ROBO2: variants seen among roughly 807,000 people sequenced by gnomAD.
ROBO2 encodes roundabout guidance receptor 2.
Under a neutral mutation model 160.8 loss-of-function variants are expected in ROBO2, and 53 were observed. That is an observed-to-expected ratio of 0.33 (90% CI 0.26 to 0.41). The LOEUF is 0.41. ROBO2 is among the 10% of genes least tolerant of loss of function. ROBO2 has a pLI of 1.00. For synonymous variants in ROBO2, 664 were observed against 611.7 expected, an observed-to-expected ratio of 1.09 and a Z score of -1.26; for missense variants, 1,577 against 1,722.4, an observed-to-expected ratio of 0.92 and a Z score of 1.49.
At chr3:77,383,907 G>A (rs754265482) in intron 2 of ROBO2, among the ~76,000 whole-genome samples, 2 of 152,040 alleles carry the variant, frequency 1.3e-5, no homozygotes, top group Non-Finnish European at 2.9e-5. Flanking sequence ...TTCAAAAATA[G>A]GACATTAACT....
chr3:76,598,677 T>A (rs2086897401), intron 2 of ROBO2, among the ~76,000 whole-genome samples: 1 of 152,126 alleles, frequency 6.6e-6, no homozygotes, highest in East Asian at 1.9e-4. Flanking sequence ...TTTTTTAAAG[T>A]AAATGGTGAA....
At chr3:76,300,189 G>A (rs958837860) in intron 2 of ROBO2, among the ~76,000 whole-genome samples, 1 of 151,968 alleles carries the variant, frequency 6.6e-6, no homozygotes, top group Non-Finnish European at 1.5e-5. Flanking sequence ...GTTGATTCAG[G>A]TTCTTGGCAA....
At chr3:76,383,460 A>G (rs2076731908) in intron 2 of ROBO2, among the ~76,000 whole-genome samples, 1 of 152,220 alleles carries the variant, frequency 6.6e-6, no homozygotes, top group Admixed American at 6.5e-5. Context: ...AAGAACCCTG[A>G]GTTTGCAGTC....
intron 6 of ROBO2, among the ~76,000 whole-genome samples, chr3:77,525,731 A>T (rs1037444785): frequency 1.3e-5 from 2 of 151,142 alleles, no homozygotes; most frequent in Admixed American, 6.6e-5. Context: ...TCTATAATAA[A>T]ATAAAATAGA....
chr3:76,582,974 A>G (rs2085796085), intron 2 of ROBO2, among the ~76,000 whole-genome samples: 1 of 152,058 alleles, frequency 6.6e-6, no homozygotes, highest in Non-Finnish European at 1.5e-5. Flanking sequence ...AAGAGTCACA[A>G]CAAACTACTA....
intron 2 of ROBO2, among the ~76,000 whole-genome samples, chr3:76,682,228 C>G (rs187008972): frequency 1.4e-3 from 217 of 152,170 alleles, no homozygotes; most frequent in African/African-American, 4.9e-3. Context: ...ACCCTAATAT[C>G]AACTATGGAC....
chr3:77,251,872 C>T (rs534128226), intron 2 of ROBO2, among the ~76,000 whole-genome samples: 2 of 152,206 alleles, frequency 1.3e-5, no homozygotes, highest in African/African-American at 4.8e-5. Context: ...ACTGCGAGTC[C>T]GTTAAACCTT....
rs149475117 is a variant in ROBO2 at position 76,954,924 on chromosome 3, C to A, written c.110-143090C>A. Among the ~76,000 whole-genome samples the A allele has an allele frequency of 5.3e-5, 8 of 152,274 alleles. No individual in the cohort carries two copies. In the East Asian group the frequency reaches 1.5e-3, roughly 29 times the overall value. The stretch of plus-strand genomic sequence containing the variant: ...GTGTACAATACAGCAGCATGAATTA[C>A]ATTCACAGTGTTGCTCAAGCATCAG... On this transcript the variant is annotated intron_variant, in intron 2 of 26. Transcript: ENST00000487694.
intron 2 of ROBO2, among the ~76,000 whole-genome samples, chr3:76,039,422 T>C (rs935440221): frequency 3.3e-5 from 5 of 152,054 alleles, no homozygotes; most frequent in African/African-American, 1.2e-4. Flanking sequence ...TTCTACTTGT[T>C]TTCTTGTTTA....
At chr3:76,826,399 C>A (rs2109237344) in intron 2 of ROBO2, among the ~76,000 whole-genome samples, 1 of 152,200 alleles carries the variant, frequency 6.6e-6, no homozygotes, top group Admixed American at 6.6e-5. Flanking sequence ...GTCATATCAT[C>A]TCAGAATTAC....
chr3:76,482,584 A>G (rs2079271137), intron 2 of ROBO2, among the ~76,000 whole-genome samples: 3 of 152,124 alleles, frequency 2.0e-5, no homozygotes, highest in African/African-American at 7.2e-5. Flanking sequence ...TTTAATGCCA[A>G]GTATCTTATC....
chr3:76,840,649 A>G (rs1402816248), intron 2 of ROBO2, among the ~76,000 whole-genome samples: 1 of 22,616 alleles, frequency 4.4e-5, no homozygotes, highest in Non-Finnish European at 9.8e-5. Flanking sequence ...TATATTTTAT[A>G]TATATATATA....
chr3:76,451,862 T>A (rs1043311775), intron 2 of ROBO2, among the ~76,000 whole-genome samples: 3 of 152,180 alleles, frequency 2.0e-5, no homozygotes, highest in African/African-American at 7.2e-5. Context: ...TCCTCTTGGC[T>A]GCAAGAAGAT....
chr3:76,897,174 G>A (rs1173367057), intron 2 of ROBO2, among the ~76,000 whole-genome samples: 1 of 152,058 alleles, frequency 6.6e-6, no homozygotes, highest in African/African-American at 2.4e-5. Context: ...ATTTATGATG[G>A]ATCTATCAGT....
intron 3 of ROBO2, among the ~76,000 whole-genome samples, chr3:77,480,445 A>T (rs1013262645): frequency 6.6e-6 from 1 of 152,182 alleles, no homozygotes; most frequent in Non-Finnish European, 1.5e-5. Flanking sequence ...CATTTAAGAA[A>T]TCTTGAAGGG....
intron 2 of ROBO2, among the ~76,000 whole-genome samples, chr3:77,010,869 C>CCT (rs1489991774): frequency 7.5e-6 from 1 of 133,330 alleles, no homozygotes; most frequent in African/African-American, 2.8e-5. Context: ...TCCCTCCCTA[C>CCT]CTTCCTTCCT....
In ROBO2 at chr3:76,445,595, A is replaced by T. The variant is rs149945223; in HGVS notation, c.109+507993A>T. ...GGCAGAGACACAACGAAAAAAGAGA[A>T]TTTTAGACCAATATCCCTGATGAAC... is the stretch of plus-strand genomic sequence containing the variant. On this transcript the variant is annotated intron_variant, in intron 2 of 26. Transcript: ENST00000487694. 3.4e-3 allele frequency among the ~76,000 whole-genome samples: 524 copies of T among 152,216 alleles called. 27 individuals carry two copies. In the East Asian group the frequency reaches 0.092, roughly 27 times the overall value.
intron 5 of ROBO2, among the ~76,000 whole-genome samples, chr3:77,520,222 A>G (rs975832412): frequency 4.6e-5 from 7 of 151,360 alleles, no homozygotes; most frequent in African/African-American, 1.7e-4. Context: ...TACTGTTTTA[A>G]GTTAGCATTT....
At chr3:76,725,954 A>G (rs1363246251) in intron 2 of ROBO2, among the ~76,000 whole-genome samples, 1 of 152,178 alleles carries the variant, frequency 6.6e-6, no homozygotes, top group Non-Finnish European at 1.5e-5. Flanking sequence ...TCTGCCATAG[A>G]TTAGGTCATA....
Sources: gnomAD v4.1 joint callset for allele counts (sites outside exome capture counted in the v4.1 genomes callset) on GRCh38, gnomAD v4.1.1 for gene constraint, MANE v1.5 for transcripts, NCBI Gene and HGNC (gene_info 2026-07-23, HGNC 2026-07-21) for gene names.